The following OSBPL1A variants were observed in gnomAD, a reference collection of about 807,000 sequenced individuals.
OSBPL1A encodes oxysterol binding protein like 1A, also known as oxysterol-binding protein-related protein 1.
A neutral mutation model predicts 137.1 loss-of-function variants in OSBPL1A; 80 were observed. The ratio of observed to expected loss-of-function variants is 0.58; its 90% CI spans 0.49 to 0.70. The LOEUF is 0.70. Among genes scored for constraint, OSBPL1A ranks in the 30% least tolerant of loss-of-function variants. The pLI is 0.00. For missense variants in OSBPL1A, 970 were observed against 1,129.4 expected (o/e 0.86, Z 2.02); for synonymous variants, 365 against 389.7 (o/e 0.94, Z 0.75).
In OSBPL1A at chr18:24,239,200, G is replaced by C. The variant is rs1468510916; in HGVS notation, c.1444+20C>G. 6.2e-7 allele frequency: 1 copy of C among 1,610,990 alleles called. No homozygotes were observed. Among genetic ancestry groups the C allele is most frequent in the Non-Finnish European group, 8.5e-7 (1 of 1,178,692 alleles). On this transcript the variant is annotated intron_variant, in intron 16 of 27. Transcript: ENST00000319481. ...GACTCTAAATCACCAACAATGCAGA[G>C]GGAAGGATCCCAGAGTTACCTGACA...
chr18:24,250,887 G>T (rs758996157), intron 15 of OSBPL1A, among the ~76,000 whole-genome samples: 5 of 152,204 alleles, frequency 3.3e-5, no homozygotes, highest in Non-Finnish European at 5.9e-5. Context: ...GCCCTGAAGG[G>T]TGAGTCCCAG....
At chr18:24,386,589 T>C (rs1483063679) in intron 1 of OSBPL1A, among the ~76,000 whole-genome samples, 1 of 152,176 alleles carries the variant, frequency 6.6e-6, no homozygotes, top group Admixed American at 6.5e-5. Flanking sequence ...TAATCTTTTA[T>C]AACTTTAGAA....
chr18:24,183,652 T>A (rs1004422997), intron 18 of OSBPL1A, among the ~76,000 whole-genome samples: 3 of 152,094 alleles, frequency 2.0e-5, no homozygotes, highest in Middle Eastern at 3.4e-3. Flanking sequence ...GCCAGGCTGG[T>A]CTTGAACTCC....
intron 4 of OSBPL1A, among the ~76,000 whole-genome samples, chr18:24,347,335 C>T (rs1237788438): frequency 2.0e-5 from 3 of 152,048 alleles, no homozygotes; most frequent in African/African-American, 7.2e-5. Context: ...AGGCGCCCGC[C>T]ACCACGCCCA....
intron 15 of OSBPL1A, among the ~76,000 whole-genome samples, chr18:24,263,649 T>G (rs1052926336): frequency 4.6e-5 from 7 of 152,198 alleles, no homozygotes; most frequent in African/African-American, 1.7e-4. Context: ...ACACTTCATT[T>G]TTTTGAAACG....
chr18:24,179,990 G>GA (rs978680027), intron 19 of OSBPL1A, among the ~76,000 whole-genome samples, 155 bp from the exon 20 acceptor site: 1 of 152,198 alleles, frequency 6.6e-6, no homozygotes, highest in Non-Finnish European at 1.5e-5. Flanking sequence ...GTGGGACATG[G>GA]AAACTTGGAT....
At chr18:24,239,629 C>G (rs962801092) in intron 15 of OSBPL1A, among the ~76,000 whole-genome samples, 4 of 152,126 alleles carry the variant, frequency 2.6e-5, no homozygotes, top group Non-Finnish European at 5.9e-5. Context: ...AAATTCAGCT[C>G]AAATGATCAG....
intron 14 of OSBPL1A, among the ~76,000 whole-genome samples, chr18:24,299,010 T>TA (rs1010896797): frequency 5.3e-5 from 8 of 152,364 alleles, no homozygotes; most frequent in Non-Finnish European, 1.0e-4. Context: ...TTTAAACTGT[T>TA]ATTGCTTTAA....
chr18:24,303,498 A>G (rs2090442797), intron 14 of OSBPL1A, 139 bp downstream of exon 14: 2 of 567,978 alleles, frequency 3.5e-6, no homozygotes, highest in South Asian at 3.8e-5. Context: ...TTGCCCTTTT[A>G]AAGTTTCAAA....
chr18:24,280,860 G>T lies in OSBPL1A; in HGVS notation c.1263C>A (p.Leu421=). The T allele has an allele frequency of 6.3e-7, 1 of 1,590,912 alleles. No individual in the cohort carries two copies. The highest frequency in any genetic ancestry group is 8.5e-7 in the Non-Finnish European group (1 of 1,172,182). Residue 421 remains leucine (L), a synonymous_variant, in exon 15 of 28, where the codon CTC becomes CTA. Coordinates refer to ENST00000319481, the MANE Select transcript of OSBPL1A (RefSeq NM_080597.4). ...TCVALTDCLN[L]FTKQEGVRNF... ...TACCTACCCCTTCTTGTTTGGTGAAGAGATTAAGGCAATCAGTCAAAGCTA... is the reference window on the plus strand; with the variant it reads ...TACCTACCCCTTCTTGTTTGGTGAATAGATTAAGGCAATCAGTCAAAGCTA...
At chr18:24,285,082 A>G (rs2090042716) in intron 14 of OSBPL1A, among the ~76,000 whole-genome samples, 1 of 152,140 alleles carries the variant, frequency 6.6e-6, no homozygotes, top group Admixed American at 6.6e-5. Context: ...CGACGACAAA[A>G]TATCACCATG....
chr18:24,358,375 C>T (rs918009374), intron 4 of OSBPL1A: 7 of 671,084 alleles, frequency 1.0e-5, no homozygotes, highest in South Asian at 4.9e-5. Context: ...GCTGAGGCAT[C>T]GCTTGAGCCG....
chr18:24,163,323 G>GA (rs1214773365), intron 27 of OSBPL1A, 42 bp from the exon 28 acceptor site: 4 of 1,396,096 alleles, frequency 2.9e-6, no homozygotes, highest in East Asian at 2.3e-5. Flanking sequence ...GGAAACTATG[G>GA]AAAATCACAG....
At chr18:24,170,599 T>C (rs2086254521) in intron 23 of OSBPL1A, 146 bp from the exon 24 acceptor site, 1 of 781,466 alleles carries the variant, frequency 1.3e-6, no homozygotes, top group East Asian at 2.6e-5. Context: ...AGATCAGGCG[T>C]GTTCAGGGTG....
At position 24,290,730 on chromosome 18, in the gene OSBPL1A, C is replaced by T. The variant is rs74688392; in HGVS notation, c.1175-9782G>A. ...TAAATAAAACAAAACACAACAACAA[C>T]AACAAAATAGATGAGGCTTTACAGC... On this transcript the variant is annotated intron_variant, in intron 14 of 27. Coordinates refer to ENST00000319481, the MANE Select transcript of OSBPL1A (RefSeq NM_080597.4). 5.1e-3 allele frequency among the ~76,000 whole-genome samples: 780 copies of T among 152,104 alleles called. 8 individuals are homozygous for T. Among genetic ancestry groups the T allele is most frequent in the East Asian group, 0.033 (170 of 5,164 alleles).
chr18:24,381,164 A>G (rs1906566676), intron 1 of OSBPL1A, among the ~76,000 whole-genome samples: 1 of 152,140 alleles, frequency 6.6e-6, no homozygotes, highest in African/African-American at 2.4e-5. Flanking sequence ...CTTGAGCTCA[A>G]CTCTGAATAC....
At chr18:24,198,867 T>TG (rs2087122474) in intron 17 of OSBPL1A, among the ~76,000 whole-genome samples, 1 of 150,694 alleles carries the variant, frequency 6.6e-6, no homozygotes, top group Admixed American at 6.6e-5. Context: ...TTTGTTGTTT[T>TG]TTTTTTTTGA....
At chr18:24,310,688 C>T (rs1331714514) in intron 13 of OSBPL1A, among the ~76,000 whole-genome samples, 1 of 149,082 alleles carries the variant, frequency 6.7e-6, no homozygotes, top group Non-Finnish European at 1.5e-5. Flanking sequence ...TTACCTGTAA[C>T]TTCCATTTAA....
intron 18 of OSBPL1A, among the ~76,000 whole-genome samples, chr18:24,188,184 G>C (rs1170566488): frequency 6.6e-6 from 1 of 152,198 alleles, no homozygotes; most frequent in African/African-American, 2.4e-5. Flanking sequence ...TTCCCTCAAA[G>C]AGATTCTGCT....
Sources: allele counts gnomAD v4.1 joint callset (sites outside exome capture counted in the v4.1 genomes callset), GRCh38; gene constraint gnomAD v4.1.1; transcripts MANE v1.5; gene names NCBI Gene and HGNC (gene_info 2026-07-23, HGNC 2026-07-21).